The following ACOXL variants were observed in gnomAD, a reference collection of about 807,000 sequenced individuals.
ACOXL encodes the protein acyl-coenzyme A oxidase-like protein.
Under a neutral mutation model 71.9 loss-of-function variants are expected in ACOXL, and 70 were observed. The observed-to-expected ratio is 0.97, with a 90% CI of 0.80 to 1.19. The LOEUF (loss-of-function observed/expected upper bound fraction) is 1.19, where lower values mean the gene tolerates loss of function less well. Ranked by LOEUF, ACOXL falls within the 50% of genes most tolerant of loss-of-function variation. The pLI is 0.00. For missense variants in ACOXL, 703 were observed against 736.3 expected (o/e 0.95, Z 0.52); for synonymous variants, 253 against 281.6 (o/e 0.90, Z 1.02).
At chr2:111,090,581 C>CTTTTG (rs2068469959) in intron 16 of ACOXL, among the ~76,000 whole-genome samples, 1 of 152,196 alleles carries the variant, frequency 6.6e-6, no homozygotes, top group Non-Finnish European at 1.5e-5. Flanking sequence ...AAGCCACAGA[C>CTTTTG]TGTCAACAGG....
chr2:110,788,975 G>A (rs915726578), intron 3 of ACOXL, among the ~76,000 whole-genome samples: 3 of 152,214 alleles, frequency 2.0e-5, no homozygotes, highest in Admixed American at 6.5e-5. Context: ...TCAACCTGAG[G>A]AAGGGACGTC....
intron 9 of ACOXL, among the ~76,000 whole-genome samples, chr2:110,816,873 C>T (rs777978563): frequency 1.2e-4 from 19 of 152,246 alleles, no homozygotes; most frequent in Admixed American, 5.2e-4. Flanking sequence ...GGACTCAGCA[C>T]AGATTGGCCT....
At chr2:110,833,768 T>A (rs915166686) in intron 9 of ACOXL, among the ~76,000 whole-genome samples, 2 of 152,088 alleles carry the variant, frequency 1.3e-5, no homozygotes, top group African/African-American at 4.8e-5. Flanking sequence ...GGGTGGAGGA[T>A]TTTTTTTACT....
At chr2:110,946,204 G>T (rs1167689907) in intron 12 of ACOXL, among the ~76,000 whole-genome samples, 1 of 152,184 alleles carries the variant, frequency 6.6e-6, no homozygotes, top group Non-Finnish European at 1.5e-5. Flanking sequence ...CTGGTGTATA[G>T]ATGCTACTGA....
At chr2:110,769,774 C>T (rs1172627143) in intron 2 of ACOXL, among the ~76,000 whole-genome samples, 1 of 152,080 alleles carries the variant, frequency 6.6e-6, no homozygotes, top group Non-Finnish European at 1.5e-5. Context: ...GCGGAGGTTG[C>T]GGTGAGCTGA....
chr2:110,821,522 C>A (rs547752245), intron 9 of ACOXL, among the ~76,000 whole-genome samples: 39 of 152,236 alleles, frequency 2.6e-4, no homozygotes, highest in African/African-American at 8.7e-4. Context: ...ATCACTGAGA[C>A]CTTTGGGGCC....
chr2:110,842,847 G>A lies in ACOXL; in HGVS notation c.788+1442G>A, dbSNP rs185906023. Among the ~76,000 whole-genome samples the A allele has an allele frequency of 6.6e-5, 10 of 152,264 alleles. No individual in the cohort carries two copies. The East Asian group carries it at 1.9e-3, about 29-fold the overall frequency. On this transcript the variant is annotated intron_variant, in intron 10 of 17. Coordinates refer to ENST00000439055, the MANE Select transcript of ACOXL (RefSeq NM_001142807.4). ...TCAAATGCCAAGGTGCCGTTTTTTA[G>A]TGTATTGTGTCCTGAACCCCATCAA...
chr2:110,847,872 G>C (rs1368143124), intron 10 of ACOXL, among the ~76,000 whole-genome samples: 1 of 152,238 alleles, frequency 6.6e-6, no homozygotes, highest in African/African-American at 2.4e-5. Flanking sequence ...GGGTGATTAA[G>C]CACTCATTCT....
chr2:111,062,188 T>G (rs1452302925), intron 16 of ACOXL, among the ~76,000 whole-genome samples: 1 of 151,766 alleles, frequency 6.6e-6, no homozygotes, highest in Non-Finnish European at 1.5e-5. Flanking sequence ...TAATATCAGA[T>G]AAAGTGACAT....
At chr2:110,955,388 C>CA (rs1386210952) in intron 12 of ACOXL, among the ~76,000 whole-genome samples, 2 of 151,370 alleles carry the variant, frequency 1.3e-5, no homozygotes, top group Non-Finnish European at 2.9e-5. Context: ...GCAAGCCCTT[C>CA]ACTGTCTGCC....
intron 10 of ACOXL, among the ~76,000 whole-genome samples, chr2:110,905,995 G>A (rs1485264152): frequency 6.6e-6 from 1 of 152,090 alleles, no homozygotes; most frequent in Non-Finnish European, 1.5e-5. Context: ...GAACTGTGAG[G>A]GTCAAAGAGG....
intron 16 of ACOXL, among the ~76,000 whole-genome samples, chr2:111,074,770 T>G (rs926723311): frequency 1.3e-5 from 2 of 151,694 alleles, no homozygotes; most frequent in African/African-American, 4.8e-5. Context: ...AATTTCTATA[T>G]TTTTTTTAGA....
At chr2:110,783,127 GT>G (rs1683543496) in intron 2 of ACOXL, among the ~76,000 whole-genome samples, 1 of 152,176 alleles carries the variant, frequency 6.6e-6, no homozygotes, top group African/African-American at 2.4e-5. Context: ...GGTGACTCTG[GT>G]GGGACAAGTC....
chr2:111,014,226 A>G (rs1260176095), intron 14 of ACOXL, among the ~76,000 whole-genome samples: 1 of 152,238 alleles, frequency 6.6e-6, no homozygotes, highest in Non-Finnish European at 1.5e-5. Context: ...GGGCCTAGCC[A>G]GTGCAACGAG....
chr2:110,913,204 A>G (rs2059709067), intron 11 of ACOXL, among the ~76,000 whole-genome samples: 1 of 152,244 alleles, frequency 6.6e-6, no homozygotes, highest in Non-Finnish European at 1.5e-5. Flanking sequence ...CAGTTCTCCA[A>G]AATATTAAAC....
At chr2:110,832,554 A>G (rs1262889461) in intron 9 of ACOXL, among the ~76,000 whole-genome samples, 1 of 151,598 alleles carries the variant, frequency 6.6e-6, no homozygotes. Context: ...CAAAAAAAAA[A>G]AAAAAAAAAA....
intron 12 of ACOXL, among the ~76,000 whole-genome samples, chr2:110,938,954 A>G (rs1304948030): frequency 6.6e-6 from 1 of 152,050 alleles, no homozygotes; most frequent in Non-Finnish European, 1.5e-5. Flanking sequence ...TAGCTTTAAA[A>G]CCTGCACAAC....
chr2:111,092,374 T>C (rs924322092), intron 16 of ACOXL, among the ~76,000 whole-genome samples: 4 of 152,168 alleles, frequency 2.6e-5, no homozygotes, highest in Admixed American at 2.6e-4. Flanking sequence ...AGAAACATAA[T>C]AGGAAAAAAC....
intron 17 of ACOXL, among the ~76,000 whole-genome samples, chr2:111,109,359 G>A (rs2069777995): frequency 6.6e-6 from 1 of 152,142 alleles, no homozygotes; most frequent in Non-Finnish European, 1.5e-5. Context: ...AGTATTTTAT[G>A]TCTCATTCTT....
Sources: gnomAD v4.1 joint callset for allele counts (sites outside exome capture counted in the v4.1 genomes callset) on GRCh38, gnomAD v4.1.1 for gene constraint, MANE v1.5 for transcripts, NCBI Gene and HGNC (gene_info 2026-07-23, HGNC 2026-07-21) for gene names.